ZNF385B: variants seen among roughly 807,000 people sequenced by gnomAD.
The protein encoded by ZNF385B is zinc finger protein 533.
ZNF385B carries 23 observed loss-of-function variants against 39.2 expected under a neutral mutation model. The observed-to-expected ratio is 0.59, with a 90% CI of 0.42 to 0.83. ZNF385B has a LOEUF of 0.83. ZNF385B is among the 40% of genes least tolerant of loss of function. ZNF385B has a pLI of 0.00. For missense variants in ZNF385B, 552 were observed against 598.9 expected (o/e 0.92, Z 0.82); for synonymous variants, 205 against 222.6 (o/e 0.92, Z 0.70).
intron 3 of ZNF385B, among the ~76,000 whole-genome samples, chr2:179,717,205 A>G (rs965596153): frequency 3.9e-5 from 6 of 152,214 alleles, no homozygotes; most frequent in African/African-American, 1.4e-4. Flanking sequence ...TTTCCAAGTG[A>G]CTGCTTATTT....
chr2:179,805,553 TCTC>T (rs1706297788), intron 1 of ZNF385B, among the ~76,000 whole-genome samples: 1 of 152,218 alleles, frequency 6.6e-6, no homozygotes, highest in African/African-American at 2.4e-5. Context: ...GTCTGTGTCT[TCTC>T]CTGGTTTCAA....
intron 6 of ZNF385B, among the ~76,000 whole-genome samples, chr2:179,462,676 GC>G (rs2051473252): frequency 6.6e-6 from 1 of 152,154 alleles, no homozygotes; most frequent in African/African-American, 2.4e-5. Context: ...ATGTAAAGAT[GC>G]TAGAGTATCA....
intron 3 of ZNF385B, among the ~76,000 whole-genome samples, chr2:179,723,253 G>C (rs112083879): frequency 6.6e-6 from 1 of 152,118 alleles, no homozygotes; most frequent in Non-Finnish European, 1.5e-5. Context: ...AGTTGAACAT[G>C]CACATCTCTT....
rs554735974 is a variant in ZNF385B at position 179,839,272 on chromosome 2, C to A, written c.-155+21829G>T. Among the ~76,000 whole-genome samples, 4 of 152,172 alleles carry A rather than the reference C, an allele frequency of 2.6e-5. No individual in the cohort carries two copies. The South Asian group carries it at 8.3e-4, about 32-fold the overall frequency. ...GCACTCCAATTAACCTCCCAACATA[C>A]CTAATCTCGAGGACCTTACCAGAGA... On this transcript the variant is annotated intron_variant, in intron 1 of 9. Coordinates refer to ENST00000410066, the MANE Select transcript of ZNF385B (RefSeq NM_152520.6).
chr2:179,858,975 T>G (rs889791017), intron 1 of ZNF385B, among the ~76,000 whole-genome samples: 8 of 152,330 alleles, frequency 5.3e-5, no homozygotes, highest in African/African-American at 1.9e-4. Context: ...TTAAGATCCT[T>G]GTCTTTTTCA....
At chr2:179,467,344 G>A (rs1269813733) in intron 6 of ZNF385B, among the ~76,000 whole-genome samples, 2 of 152,160 alleles carry the variant, frequency 1.3e-5, no homozygotes, top group Non-Finnish European at 2.9e-5. Context: ...ATTAGTCATA[G>A]GATTTCCTGT....
At chr2:179,691,858 T>A (rs1433523985) in intron 3 of ZNF385B, among the ~76,000 whole-genome samples, 3 of 152,108 alleles carry the variant, frequency 2.0e-5, no homozygotes, top group Non-Finnish European at 2.9e-5. Context: ...TTTAAAAAAA[T>A]ATTTTTAAAA....
chr2:179,648,030 C>A (rs999420178), intron 3 of ZNF385B, among the ~76,000 whole-genome samples: 1 of 152,032 alleles, frequency 6.6e-6, no homozygotes, highest in Admixed American at 6.6e-5. Flanking sequence ...GAGCAGTGCC[C>A]AGCATGGGGA....
Position 179,479,840 on chromosome 2 carries a change from A to G in ZNF385B, c.715+3432T>C, listed in dbSNP as rs566951516. Among the ~76,000 whole-genome samples the G allele has an allele frequency of 1.5e-4, 23 of 152,278 alleles. 1 individual carries two copies. The highest frequency in any genetic ancestry group is 5.5e-4 in the African/African-American group (23 of 41,558). ...GGCAACAGAGCGAGACTCTGTCTCA[A>G]AAAAATAAATAAATAAATAAAAAAG... On this transcript the variant is annotated intron_variant, in intron 6 of 9. Transcript: ENST00000410066.
intron 3 of ZNF385B, among the ~76,000 whole-genome samples, chr2:179,671,231 CCTCCCGCTTGAAATA>C (rs1381338144): frequency 6.6e-6 from 1 of 152,186 alleles, no homozygotes; most frequent in Non-Finnish European, 1.5e-5. Flanking sequence ...TTCTTATGCT[CCTCCCGCTTGAAATA>C]CTGAATTCCT....
chr2:179,595,517 G>A (rs1687921631), intron 3 of ZNF385B, among the ~76,000 whole-genome samples: 1 of 152,076 alleles, frequency 6.6e-6, no homozygotes, highest in South Asian at 2.1e-4. Context: ...GCTTCCTAAT[G>A]GTGGCAGCAG....
At chr2:179,628,806 T>A (rs1690916391) in intron 3 of ZNF385B, among the ~76,000 whole-genome samples, 1 of 152,204 alleles carries the variant, frequency 6.6e-6, no homozygotes, top group Non-Finnish European at 1.5e-5. Context: ...ATTTTACGTA[T>A]CAACTATTTG....
chr2:179,643,058 G>T (rs1692405552), intron 3 of ZNF385B, among the ~76,000 whole-genome samples: 2 of 151,722 alleles, frequency 1.3e-5, no homozygotes, highest in South Asian at 4.2e-4. Flanking sequence ...TGGTTATTAA[G>T]ATTTGGATAT....
At chr2:179,744,685 G>C (rs982183480) in intron 3 of ZNF385B, among the ~76,000 whole-genome samples, 2 of 152,064 alleles carry the variant, frequency 1.3e-5, no homozygotes, top group Non-Finnish European at 2.9e-5. Context: ...AATAAATATA[G>C]CAGGAAAAAC....
chr2:179,720,421 G>A (rs1256741430), intron 3 of ZNF385B, among the ~76,000 whole-genome samples: 4 of 132,504 alleles, frequency 3.0e-5, no homozygotes, highest in African/African-American at 1.1e-4. Flanking sequence ...AGGAGGGGAG[G>A]GGAAAGGAAA....
rs367722121 is a variant in ZNF385B, at chr2:179,521,138, A to G, written c.442-2500T>C. On this transcript the variant is annotated intron_variant, in intron 4 of 9. Coordinates refer to ENST00000410066, the MANE Select transcript of ZNF385B (RefSeq NM_152520.6). ...AAGTTTTAAAAATTGTTAGCTGCCT[A>G]CATAATTTTTTACATAACTCCTAAT... is the stretch of plus-strand genomic sequence containing the variant. Among the ~76,000 whole-genome samples the G allele has an allele frequency of 2.0e-4, 31 of 152,102 alleles. 1 individual carries two copies. The East Asian group carries it at 6.0e-3, about 29-fold the overall frequency.
At chr2:179,482,856 C>A (rs2054144994) in intron 6 of ZNF385B, among the ~76,000 whole-genome samples, 5 of 151,978 alleles carry the variant, frequency 3.3e-5, no homozygotes, top group Admixed American at 2.6e-4. Flanking sequence ...ATAAAAATAT[C>A]TATTAGTAAA....
chr2:179,795,589 C>T (rs1705610426), intron 1 of ZNF385B, among the ~76,000 whole-genome samples: 1 of 151,966 alleles, frequency 6.6e-6, no homozygotes, highest in Admixed American at 6.6e-5. Context: ...CTAGATATAT[C>T]TAAAGATCTA....
chr2:179,517,562 CAT>C (rs1229597077), intron 5 of ZNF385B, among the ~76,000 whole-genome samples: 4 of 151,880 alleles, frequency 2.6e-5, no homozygotes, highest in African/African-American at 9.7e-5. Context: ...ATTATCGAAA[CAT>C]AATTTAATGG....
Sources: allele counts gnomAD v4.1 joint callset (sites outside exome capture counted in the v4.1 genomes callset), GRCh38; gene constraint gnomAD v4.1.1; transcripts MANE v1.5; gene names NCBI Gene and HGNC (gene_info 2026-07-23, HGNC 2026-07-21).